The following ADGRD1 variants were observed in gnomAD, a reference collection of about 807,000 sequenced individuals.
ADGRD1 encodes G-protein coupled receptor 133.
ADGRD1 carries 77 observed loss-of-function variants against 113.4 expected under a neutral mutation model. The ratio of observed to expected loss-of-function variants is 0.68; its 90% CI spans 0.57 to 0.82. The LOEUF (loss-of-function observed/expected upper bound fraction) is 0.82, where lower values mean the gene tolerates loss of function less well. ADGRD1 is among the 40% of genes least tolerant of loss of function. ADGRD1 has a pLI of 0.00. For missense variants in ADGRD1, 1,036 were observed against 1,139.1 expected (o/e 0.91, Z 1.30); for synonymous variants, 474 against 475.0 (o/e 1.00, Z 0.03).
intron 4 of ADGRD1, among the ~76,000 whole-genome samples, chr12:130,974,079 A>G (rs1000923916): frequency 1.5e-4 from 23 of 152,328 alleles, no homozygotes; most frequent in Middle Eastern, 6.8e-3. Context: ...CAGCCTCACA[A>G]GGTGACCGGG....
chr12:131,044,617 A>G (rs1170852167), intron 13 of ADGRD1, among the ~76,000 whole-genome samples: 1 of 152,150 alleles, frequency 6.6e-6, no homozygotes, highest in Non-Finnish European at 1.5e-5. Flanking sequence ...CACGATTCCC[A>G]GGCCTGGTTT....
rs1200548810 is a variant in ADGRD1 at position 131,000,351 on chromosome 12, G to T, written c.967-32G>T. On this transcript the variant is annotated intron_variant, in intron 8 of 24. Transcript: ENST00000261654. ...CTTCAAGTTTGTTGCCTAAGGACAG[G>T]TGCTGAGCAGTGTCATTTTGTCCAC... is the stretch of plus-strand genomic sequence containing the variant. The T allele has an allele frequency of 5.7e-6, 9 of 1,580,522 alleles. No homozygotes were observed. The Middle Eastern group carries it at 5.0e-4, about 88-fold the overall frequency.
At chr12:131,002,116 C>A (rs1038716880) in intron 9 of ADGRD1, among the ~76,000 whole-genome samples, 11 of 152,204 alleles carry the variant, frequency 7.2e-5, no homozygotes, top group African/African-American at 2.7e-4. Flanking sequence ...GTGTCCAAAG[C>A]TGCAGGCTGG....
At chr12:131,010,393 C>T (rs1446146658) in intron 12 of ADGRD1, among the ~76,000 whole-genome samples, 2 of 152,196 alleles carry the variant, frequency 1.3e-5, no homozygotes, top group Non-Finnish European at 2.9e-5. Context: ...GATGTTTGTT[C>T]ACTCCCCAAT....
chr12:131,052,033 C>T (rs1237018371), intron 13 of ADGRD1, among the ~76,000 whole-genome samples: 3 of 152,236 alleles, frequency 2.0e-5, no homozygotes, highest in Non-Finnish European at 4.4e-5. Context: ...TCAGAAATCA[C>T]ATCTTTCATA....
At chr12:131,104,771 C>T (rs1950191624) in intron 15 of ADGRD1, 60 bp from the exon 16 acceptor site, 1 of 1,238,406 alleles carries the variant, frequency 8.1e-7, no homozygotes, top group Non-Finnish European at 1.1e-6. Flanking sequence ...CCCTCTGCAG[C>T]TTCAGGCTCC....
At chr12:131,029,422 C>T (rs1217660910) in intron 13 of ADGRD1, among the ~76,000 whole-genome samples, 2 of 152,244 alleles carry the variant, frequency 1.3e-5, no homozygotes, top group Non-Finnish European at 2.9e-5. Flanking sequence ...GTTTAATTTA[C>T]CCACATCAGA....
At chr12:131,117,696 C>T (rs769011437) in intron 18 of ADGRD1, among the ~76,000 whole-genome samples, 8 of 152,190 alleles carry the variant, frequency 5.3e-5, no homozygotes, top group Non-Finnish European at 1.0e-4. Flanking sequence ...AGGAACCAGC[C>T]CACCTGGACC....
chr12:131,042,044 G>C (rs953978194), intron 13 of ADGRD1, among the ~76,000 whole-genome samples: 1 of 152,224 alleles, frequency 6.6e-6, no homozygotes, highest in East Asian at 1.9e-4. Context: ...TATCGGCTGC[G>C]CCCCAGGCCC....
chr12:130,992,262 T>C lies in ADGRD1; in HGVS notation c.836T>C (p.Ile279Thr). 1 of 1,613,370 alleles carries C rather than the reference T, an allele frequency of 6.2e-7. No homozygotes were observed. Among genetic ancestry groups the C allele is most frequent in the Non-Finnish European group, 8.5e-7 (1 of 1,179,762 alleles). Residue 279 changes from isoleucine (I) to threonine (T), a missense_variant, in exon 8 of 25, where the codon ATC becomes ACC. Transcript: ENST00000261654. ...ATGCCCACAGATGCCTACCATCCCA[T>C]CATAACCAACCTGACAGAAGAGAGA... ...PVMPTDAYHP[I>T]ITNLTEERKT...
intron 13 of ADGRD1, among the ~76,000 whole-genome samples, chr12:131,030,038 T>C (rs115794448): frequency 0.011 from 1,320 of 121,300 alleles, 98 homozygotes; most frequent in African/African-American, 0.032. Context: ...ACCCCTCTTA[T>C]GGTGACATTT....
At chr12:131,015,569 G>A (rs1234846596) in intron 13 of ADGRD1, among the ~76,000 whole-genome samples, 1 of 151,406 alleles carries the variant, frequency 6.6e-6, no homozygotes, top group African/African-American at 2.4e-5. Flanking sequence ...TGGAGATGGA[G>A]ATGGGAATGG....
chr12:130,975,823 T>C (rs1872238418), intron 4 of ADGRD1, among the ~76,000 whole-genome samples: 1 of 152,332 alleles, frequency 6.6e-6, no homozygotes, highest in Non-Finnish European at 1.5e-5. Context: ...TTTCTGATAT[T>C]GGGCTAAATT....
intron 11 of ADGRD1, 123 bp from the exon 12 acceptor site, chr12:131,005,849 T>A: frequency 1.3e-6 from 1 of 754,540 alleles, no homozygotes. Flanking sequence ...CTTCACTTCC[T>A]TCTCCCCAGA....
rs772067133 is a variant in ADGRD1 at position 131,004,194 on chromosome 12, G to A, written c.1153G>A (p.Val385Met). The A allele has an allele frequency of 8.1e-6, 13 of 1,612,820 alleles. No homozygotes were observed. Among genetic ancestry groups the A allele is most frequent in the East Asian group, 2.2e-5 (1 of 44,866 alleles). Residue 385 changes from valine to methionine, a missense_variant, in exon 11 of 25, where the codon GTG becomes ATG. By Grantham distance (21) the Val-to-Met change is conservative (BLOSUM62 1). Transcript: ENST00000261654. ...EGSSAMAEFS[V>M]AKILPKTVNS... ...CGCTCCTTCCACCGCAGAGTTTTCC[G>A]TGGCCAAAATCCTGCCCAAGACCGT...
chr12:131,108,939 T>G (rs2137351169), intron 18 of ADGRD1, 62 bp downstream of exon 18: 6 of 662,864 alleles, frequency 9.1e-6, no homozygotes, highest in South Asian at 2.4e-5. Flanking sequence ...CAGGTGGGGA[T>G]GGGGCAGGTA....
At position 131,107,307 on chromosome 12, in the gene ADGRD1, G is replaced by A. The variant is rs190665860; in HGVS notation, c.1888-1417G>A. 6.4e-3 allele frequency among the ~76,000 whole-genome samples: 966 copies of A among 151,302 alleles called. 4 individuals carry two copies. The highest frequency in any genetic ancestry group is 0.011 in the Non-Finnish European group (713 of 67,768). The stretch of plus-strand genomic sequence containing the variant: ...GACCTGTGTCTGAATCCCAGCGAAG[G>A]GCTCTGATGGGTCCCGCTCTCCCAG... On this transcript the variant is annotated intron_variant, in intron 17 of 24. Transcript: ENST00000261654.
At chr12:131,138,258 C>G (rs1233097237) in intron 24 of ADGRD1, 29 bp downstream of exon 24, 1 of 1,579,420 alleles carries the variant, frequency 6.3e-7, no homozygotes, top group Admixed American at 1.7e-5. Context: ...AACCGAGGGT[C>G]CCAGCCCATC....
chr12:131,118,813 C>T (rs748357320), intron 19 of ADGRD1, among the ~76,000 whole-genome samples: 4 of 152,198 alleles, frequency 2.6e-5, no homozygotes, highest in Non-Finnish European at 1.5e-5. Context: ...CTTGGGGTGG[C>T]CAGCAAGCGC....
Sources: allele counts gnomAD v4.1 joint callset (sites outside exome capture counted in the v4.1 genomes callset), GRCh38; gene constraint gnomAD v4.1.1; transcripts MANE v1.5; gene names NCBI Gene and HGNC (gene_info 2026-07-23, HGNC 2026-07-21).